PLPPR1: variants seen among roughly 807,000 people sequenced by gnomAD.
PLPPR1 encodes the protein phospholipid phosphatase related 1.
In PLPPR1, 10 loss-of-function variants were observed where a neutral mutation model predicts 33.1. That is an observed-to-expected ratio of 0.30 (90% CI 0.19 to 0.51). The LOEUF (loss-of-function observed/expected upper bound fraction) is 0.51, where lower values mean the gene tolerates loss of function less well. Among genes scored for constraint, PLPPR1 ranks in the 20% least tolerant of loss-of-function variants. The probability of loss-of-function intolerance (pLI) is 0.97; values close to 1 mark genes in which losing one functional copy is unlikely to be tolerated. For missense variants in PLPPR1, 304 were observed against 408.1 expected, an observed-to-expected ratio of 0.74 and a Z score of 2.20; for synonymous variants, 151 against 151.0, an observed-to-expected ratio of 1.00 and a Z score of 0.00.
At chr9:101,047,850 G>A (rs1435711829) in intron 1 of PLPPR1, among the ~76,000 whole-genome samples, 1 of 152,088 alleles carries the variant, frequency 6.6e-6, no homozygotes, top group Admixed American at 6.5e-5. Context: ...CTTCAATTTT[G>A]TTTTCTACCC....
intron 1 of PLPPR1, chr9:101,125,589 C>A: frequency 1.8e-6 from 1 of 541,442 alleles, no homozygotes; most frequent in Non-Finnish European, 3.5e-6. Flanking sequence ...CAGAGTTAGG[C>A]CCTTGCAAAT....
At chr9:101,229,243 A>G (rs1428289258) in intron 2 of PLPPR1, among the ~76,000 whole-genome samples, 1 of 152,146 alleles carries the variant, frequency 6.6e-6, no homozygotes, top group East Asian at 1.9e-4. Flanking sequence ...GCAGTGTGGT[A>G]TTCAAGGATT....
At chr9:101,083,683 C>T in intron 1 of PLPPR1, among the ~76,000 whole-genome samples, 1 of 152,132 alleles carries the variant, frequency 6.6e-6, no homozygotes, top group African/African-American at 2.4e-5. Flanking sequence ...CATGCAGCAT[C>T]CTCAGTGTAG....
At chr9:101,236,872 G>A (rs1426827592) in intron 2 of PLPPR1, among the ~76,000 whole-genome samples, 2 of 151,606 alleles carry the variant, frequency 1.3e-5, no homozygotes. Context: ...CTTCTGCATA[G>A]CAAAATAAAT....
chr9:101,315,384 C>A (rs1829033677), intron 6 of PLPPR1, among the ~76,000 whole-genome samples: 1 of 152,140 alleles, frequency 6.6e-6, no homozygotes, highest in Non-Finnish European at 1.5e-5. Context: ...ATGTTGCTGA[C>A]CATCAGTTCT....
At chr9:101,166,816 A>C (rs148197135) in intron 1 of PLPPR1, among the ~76,000 whole-genome samples, 15 of 152,190 alleles carry the variant, frequency 9.9e-5, no homozygotes, top group African/African-American at 2.6e-4. Flanking sequence ...TAGCCCCACT[A>C]TGCACACAGT....
intron 3 of PLPPR1, among the ~76,000 whole-genome samples, chr9:101,277,550 A>G (rs973489489): frequency 6.6e-6 from 1 of 152,236 alleles, no homozygotes; most frequent in Non-Finnish European, 1.5e-5. Flanking sequence ...GCCCAGTTAC[A>G]TGATTTCAGT....
At chr9:101,131,188 C>T (rs1831309576) in intron 1 of PLPPR1, among the ~76,000 whole-genome samples, 1 of 152,128 alleles carries the variant, frequency 6.6e-6, no homozygotes, top group Admixed American at 6.6e-5. Context: ...TTGTAATGCC[C>T]TGGTACAGCA....
At chr9:101,094,979 T>A (rs556149993) in intron 1 of PLPPR1, among the ~76,000 whole-genome samples, 1 of 152,306 alleles carries the variant, frequency 6.6e-6, no homozygotes, top group Admixed American at 6.5e-5. Flanking sequence ...CAAGCCTCAG[T>A]GCTGAACACA....
rs142421575 is a variant in PLPPR1 at position 101,185,539 on chromosome 9, G to A, written c.45G>A (p.Pro15=). ...CTCAACGAAGTTATTCCATCATCCC[G>A]TGTTTTATATTTGTTGAGGTATGTG... is the stretch of plus-strand genomic sequence containing the variant. The part of the protein sequence containing the change: ...NNTQRSYSII[P]CFIFVELVIM... Residue 15 remains proline, a synonymous_variant, in exon 2 of 8, where the codon CCG becomes CCA. Transcript: ENST00000374874. The A allele has an allele frequency of 2.4e-3, 3,803 of 1,608,050 alleles. 176 individuals carry two copies. In the Admixed American group the frequency reaches 0.06, roughly 25 times the overall value.
intron 1 of PLPPR1, among the ~76,000 whole-genome samples, chr9:101,141,224 A>C (rs927488163): frequency 8.5e-5 from 13 of 152,300 alleles, no homozygotes; most frequent in Admixed American, 6.5e-4. Context: ...GCAAAAGGGA[A>C]GATTCCACAC....
chr9:101,060,657 AT>A (rs1348779085), intron 1 of PLPPR1, among the ~76,000 whole-genome samples: 2 of 151,874 alleles, frequency 1.3e-5, no homozygotes, highest in Non-Finnish European at 2.9e-5. Context: ...TTAACACATT[AT>A]TTTTTAATGC....
chr9:101,265,305 A>C (rs945795578), intron 2 of PLPPR1, among the ~76,000 whole-genome samples: 1 of 152,188 alleles, frequency 6.6e-6, no homozygotes. Flanking sequence ...GCAACAGCTG[A>C]GGAAAGTCCC....
chr9:101,135,735 G>A (rs1157042605), intron 1 of PLPPR1, among the ~76,000 whole-genome samples: 1 of 152,162 alleles, frequency 6.6e-6, no homozygotes, highest in African/African-American at 2.4e-5. Context: ...ATTGCTGCAG[G>A]AGTCCTTTCT....
At chr9:101,253,090 A>G (rs1052850248) in intron 2 of PLPPR1, among the ~76,000 whole-genome samples, 1 of 152,138 alleles carries the variant, frequency 6.6e-6, no homozygotes, top group Non-Finnish European at 1.5e-5. Context: ...ACTATGAAAC[A>G]GTAGGTTCAT....
intron 2 of PLPPR1, among the ~76,000 whole-genome samples, chr9:101,186,687 G>A (rs1826209942): frequency 6.6e-6 from 1 of 151,784 alleles, no homozygotes; most frequent in Non-Finnish European, 1.5e-5. Flanking sequence ...TGAGCATTCT[G>A]ATTTTTGATC....
intron 1 of PLPPR1, among the ~76,000 whole-genome samples, chr9:101,157,600 C>A (rs1335090475): frequency 1.3e-5 from 2 of 152,098 alleles, no homozygotes; most frequent in Non-Finnish European, 2.9e-5. Flanking sequence ...AATATCGGTA[C>A]TTAAATAGTT....
chr9:101,247,275 G>A (rs1388197216), intron 2 of PLPPR1, among the ~76,000 whole-genome samples: 3 of 151,926 alleles, frequency 2.0e-5, no homozygotes, highest in East Asian at 3.9e-4. Context: ...CAGAAACGTG[G>A]TCTCCACGGA....
At position 101,156,895 on chromosome 9, in the gene PLPPR1, A is replaced by G. The variant is rs1388526524; in HGVS notation, c.-45-28555A>G. 3.1e-5 allele frequency among the ~76,000 whole-genome samples: 4 copies of G among 128,986 alleles called. No individual in the cohort carries two copies. The South Asian group carries it at 1.0e-3, about 33-fold the overall frequency. The allele number at this position is 128,986 out of a possible 152,430, so 84.6% of individuals were successfully genotyped here. ...ATGGCAAGCATTAGGCAAGGTTAAGATAATAAAGGTCCCTATATGACATAT... is the reference window on the plus strand; with the variant it reads ...ATGGCAAGCATTAGGCAAGGTTAAGGTAATAAAGGTCCCTATATGACATAT... On this transcript the variant is annotated intron_variant, in intron 1 of 7. Coordinates refer to ENST00000374874, the MANE Select transcript of PLPPR1 (RefSeq NM_207299.2).
Sources: gnomAD v4.1 joint callset for allele counts (sites outside exome capture counted in the v4.1 genomes callset) on GRCh38, gnomAD v4.1.1 for gene constraint, MANE v1.5 for transcripts, NCBI Gene and HGNC (gene_info 2026-07-23, HGNC 2026-07-21) for gene names.